The following ZPR1 variants were observed in gnomAD, a reference collection of about 807,000 sequenced individuals.
The protein encoded by ZPR1 is ZPR1 zinc finger.
ZPR1 carries 37 observed loss-of-function variants against 59.6 expected under a neutral mutation model. The ratio of observed to expected loss-of-function variants is 0.62; its 90% CI spans 0.48 to 0.82. The LOEUF (loss-of-function observed/expected upper bound fraction) is 0.82, where lower values mean the gene tolerates loss of function less well. Ranked by LOEUF, ZPR1 falls within the 40% of genes least tolerant of loss-of-function variation. ZPR1 has a pLI of 0.00. For synonymous variants in ZPR1, 191 were observed against 215.2 expected, an observed-to-expected ratio of 0.89 and a Z score of 0.99; for missense variants, 527 against 579.9, an observed-to-expected ratio of 0.91 and a Z score of 0.94.
In ZPR1 at chr11:116,787,950, GC is replaced by G. The variant is rs1415809351; in HGVS notation, c.40del (p.Ala14LeufsTer39). 1 of 1,455,784 alleles carries G rather than the reference GC, an allele frequency of 6.9e-7. No individual in the cohort carries two copies. Among genetic ancestry groups the G allele is most frequent in the African/African-American group, 1.5e-5 (1 of 67,428 alleles). The allele number at this position is 1,455,784 out of a possible 1,614,324, so 90.2% of individuals were successfully genotyped here. A position where few individuals can be genotyped will look rare whatever the true frequency, so the allele number is the denominator to read the frequency against. On this transcript the variant is annotated frameshift_variant, in exon 1 of 14. Coordinates refer to ENST00000227322, the MANE Select transcript of ZPR1 (RefSeq NM_003904.5). LOFTEE classifies it high-confidence loss of function. ...CGGGGCGGGCGACGGGGCGACGGCA[GC>G]CCCCGGGGGCCCTGGTTCCACAGCC... ...SGAVEPGPPG[A>X]AVAPSPAPAP...
rs760242863 is a variant in ZPR1 at position 116,779,007 on chromosome 11, C to T, written c.1298G>A (p.Arg433His). 1.9e-6 allele frequency: 3 copies of T among 1,614,174 alleles called. No homozygotes were observed. Among genetic ancestry groups the T allele is most frequent in the Non-Finnish European group, 1.7e-6 (2 of 1,180,038 alleles). The change falls in exon 14 of 14, where the codon CGC becomes CAC. Residue 433 changes from arginine to histidine, a missense_variant. By Grantham distance (29) the Arg-to-His change is conservative. Transcript: ENST00000227322. ...DPEMKVERYK[R>H]TFDQNEELGL... ...TAGCTCCTCATTTTGGTCAAAGGTG[C>T]GCTTGTAACGCTCCACCTTCATCTC...
At chr11:116,786,462 T>C (rs371776165) in intron 4 of ZPR1, 49 bp downstream of exon 4, 1 of 1,608,878 alleles carries the variant, frequency 6.2e-7, no homozygotes, top group Non-Finnish European at 8.5e-7. Flanking sequence ...GGACACTCTA[T>C]ATAAGCAATT....
At chr11:116,787,448 G>C in intron 2 of ZPR1, 34 bp downstream of exon 2, 1 of 1,601,100 alleles carries the variant, frequency 6.2e-7, no homozygotes, top group Non-Finnish European at 8.5e-7. Context: ...TCTCTCTCTA[G>C]AATACTGAGG....
At position 116,775,010 on chromosome 11, in the gene ZPR1, G is replaced by A. The variant is rs970208939; in HGVS notation, c.*3915C>T. 3 of 152,320 alleles carry A rather than the reference G, an allele frequency of 2.0e-5. No individual in the cohort carries two copies. Among genetic ancestry groups the A allele is most frequent in the Admixed American group, 2.0e-4 (3 of 15,278 alleles). The allele number at this position is 152,320 out of a possible 1,614,324, so 9.4% of individuals were successfully genotyped here. A position where few individuals can be genotyped will look rare whatever the true frequency, so the allele number is the denominator to read the frequency against. ...CCCTGTGCTGCAGGGCAGTTAAGCA[G>A]GATCAGATGCCGTGCCAATGGCCTG... On this transcript the variant is annotated 3_prime_UTR_variant, in exon 14 of 14. Coordinates refer to ENST00000227322, the MANE Select transcript of ZPR1 (RefSeq NM_003904.5).
At position 116,779,850 on chromosome 11, in the gene ZPR1, G is replaced by C; in HGVS notation, c.1180-13C>G. The C allele has an allele frequency of 6.8e-7, 1 of 1,469,512 alleles. No homozygotes were observed. The highest frequency in any genetic ancestry group is 9.2e-7 in the Non-Finnish European group (1 of 1,090,808). 91.0% of individuals were successfully genotyped at this position (1,469,512 alleles called of 1,614,324 possible). ...TACCTTCGATGATCTAAAGGAGAGA[G>C]AGAACACAGCAAGTAAATTTTACAT... On this transcript the variant is annotated splice_polypyrimidine_tract_variant and intron_variant, in intron 12 of 13. Coordinates refer to ENST00000227322, the MANE Select transcript of ZPR1 (RefSeq NM_003904.5).
chr11:116,785,985 AGT>A (rs1191513438), intron 4 of ZPR1, 103 bp from the exon 5 acceptor site: 21 of 985,852 alleles, frequency 2.1e-5, no homozygotes, highest in Non-Finnish European at 3.2e-5. Context: ...CACCTATCTC[AGT>A]GTGAGTGGAA....
At chr11:116,781,213 GA>G (rs139753514) in intron 12 of ZPR1, among the ~76,000 whole-genome samples, 5,326 of 148,512 alleles carry the variant, frequency 0.036, 160 homozygotes, top group East Asian at 0.13. Context: ...AGAAAGAACA[GA>G]AAAAAAAAAT....
rs370137025 is a variant in ZPR1, at chr11:116,782,221, C to T, written c.1116G>A (p.Leu372=). 133 of 1,613,956 alleles carry T rather than the reference C, an allele frequency of 8.2e-5. No individual in the cohort carries two copies. Among genetic ancestry groups the T allele is most frequent in the Non-Finnish European group, 1.1e-4 (129 of 1,180,014 alleles). ...RELVTKNPFT[L]GDSSNPGQTE... is the part of the protein sequence containing the mutation. ...TCTGTCCAGGATTGGAACTGTCGCC[C>T]AGTGTGAAAGGATTTTTGGTCACCT... is the stretch of plus-strand genomic sequence containing the variant. The change falls in exon 12 of 14, where the codon CTG becomes CTA. Residue 372 remains leucine, a synonymous_variant. Transcript: ENST00000227322.
chr11:116,787,446 T>G, intron 2 of ZPR1, 36 bp downstream of exon 2: 1 of 1,601,020 alleles, frequency 6.2e-7, no homozygotes, highest in Non-Finnish European at 8.5e-7. Context: ...AATCTCTCTC[T>G]AGAATACTGA....
At position 116,788,007 on chromosome 11, in the gene ZPR1, T is replaced by G; in HGVS notation, c.-17A>C. On this transcript the variant is annotated 5_prime_UTR_variant, in exon 1 of 14. Coordinates refer to ENST00000227322, the MANE Select transcript of ZPR1 (RefSeq NM_003904.5). ...GGCCGCCATGGCCACCACGCGCAAT[T>G]CAGACCTCGGCTTCCTACTTCCGCC... 7.0e-7 allele frequency: 1 copy of G among 1,419,692 alleles called. No individual in the cohort carries two copies. Among genetic ancestry groups the G allele is most frequent in the Non-Finnish European group, 9.1e-7 (1 of 1,096,300 alleles). The allele number at this position is 1,419,692 out of a possible 1,614,324, so 87.9% of individuals were successfully genotyped here.
At chr11:116,782,026 A>AT in intron 12 of ZPR1, 132 bp downstream of exon 12, 2 of 666,514 alleles carry the variant, frequency 3.0e-6, no homozygotes, top group Non-Finnish European at 4.9e-6. Flanking sequence ...AAAAAAAAAA[A>AT]GAAAAGAAAA....
chr11:116,786,261 T>C (rs1940885308), intron 4 of ZPR1, among the ~76,000 whole-genome samples: 1 of 152,212 alleles, frequency 6.6e-6, no homozygotes, highest in African/African-American at 2.4e-5. Flanking sequence ...GAAACACAGA[T>C]AACCCAAGGG....
In ZPR1 at chr11:116,784,388, C is replaced by T. The variant is rs749188709; in HGVS notation, c.881G>A (p.Arg294Gln). 3.7e-6 allele frequency: 6 copies of T among 1,614,066 alleles called. No homozygotes were observed. The East Asian group carries it at 8.9e-5, about 24-fold the overall frequency. Residue 294 changes from arginine (R) to glutamine (Q), a missense_variant, in exon 9 of 14, where the codon CGG becomes CAG. Arg to Gln is a conservative substitution (Grantham distance 43, BLOSUM62 1). Transcript: ENST00000227322. The part of the protein sequence containing the change: ...MATNCENCGH[R>Q]TNEVKSGGAV... Reference sequence around the variant, plus strand: ...ATGGCGCCCACCCACCTCATTGGTCCGATGCCCACAGTTCTCGCAGTTGGT... The same window carrying T: ...ATGGCGCCCACCCACCTCATTGGTCTGATGCCCACAGTTCTCGCAGTTGGT...
At chr11:116,779,121 T>G (rs1940765695) in intron 13 of ZPR1, 62 bp from the exon 14 acceptor site, 2 of 1,590,678 alleles carry the variant, frequency 1.3e-6, no homozygotes, top group East Asian at 4.5e-5. Flanking sequence ...GCAGGCAGCT[T>G]CCAATTCCCA....
chr11:116,784,636 T>C lies in ZPR1; in HGVS notation c.821-188A>G, dbSNP rs545883102. ...CCATGGCAATCCCTGTTCACACATTTGAAGGCATGGCTCAGGTCACACACA... is the reference window on the plus strand; with the variant it reads ...CCATGGCAATCCCTGTTCACACATTCGAAGGCATGGCTCAGGTCACACACA... On this transcript the variant is annotated intron_variant, in intron 8 of 13. Transcript: ENST00000227322. The C allele has an allele frequency of 1.4e-4, 115 of 813,596 alleles. No homozygotes were observed. In the South Asian group the frequency reaches 1.7e-3, roughly 12 times the overall value. The allele number at this position is 813,596 out of a possible 1,614,324, so 50.4% of individuals were successfully genotyped here. A position where few individuals can be genotyped will look rare whatever the true frequency, so the allele number is the denominator to read the frequency against.
Position 116,778,762 on chromosome 11 carries a change from C to G in ZPR1, c.*163G>C. ...AATAGGCTCACACTTGCATCACAAG[C>G]TGTTTAGAAAGTGTGCACAGATCTC... On this transcript the variant is annotated 3_prime_UTR_variant, in exon 14 of 14. Transcript: ENST00000227322. 1.2e-6 allele frequency: 1 copy of G among 855,708 alleles called. No individual in the cohort carries two copies. Among genetic ancestry groups the G allele is most frequent in the African/African-American group, 1.7e-5 (1 of 58,800 alleles). The allele number at this position is 855,708 out of a possible 1,614,324, so 53.0% of individuals were successfully genotyped here. A position where few individuals can be genotyped will look rare whatever the true frequency, so the allele number is the denominator to read the frequency against.
intron 12 of ZPR1, among the ~76,000 whole-genome samples, chr11:116,780,063 A>T (rs1027748569): frequency 7.3e-5 from 11 of 151,322 alleles, no homozygotes; most frequent in African/African-American, 2.4e-4. Flanking sequence ...TATAAATAAA[A>T]AAAGAAATGA....
intron 1 of ZPR1, 44 bp from the exon 2 acceptor site, chr11:116,787,687 C>T (rs764497857): frequency 1.3e-5 from 21 of 1,589,456 alleles, no homozygotes; most frequent in East Asian, 4.5e-5. Context: ...CAATGAAACT[C>T]CCTTTCCCCG....
intron 12 of ZPR1, among the ~76,000 whole-genome samples, chr11:116,780,363 C>T (rs905839608): frequency 6.7e-6 from 1 of 149,892 alleles, no homozygotes; most frequent in Non-Finnish European, 1.5e-5. Flanking sequence ...ACACCCCAGC[C>T]CCCTTCCCAC....
Sources: allele counts gnomAD v4.1 joint callset (sites outside exome capture counted in the v4.1 genomes callset), GRCh38; gene constraint gnomAD v4.1.1; transcripts MANE v1.5; gene names NCBI Gene and HGNC (gene_info 2026-07-23, HGNC 2026-07-21).